Variants in TBX20 observed in about 807,000 individuals in gnomAD.
TBX20 encodes the protein T-box transcription factor 20.
Under a neutral mutation model 42.9 loss-of-function variants are expected in TBX20, and 8 were observed. The ratio of observed to expected loss-of-function variants is 0.19; its 90% confidence interval spans 0.11 to 0.34. The LOEUF is 0.34. Among genes scored for constraint, TBX20 ranks in the 10% least tolerant of loss-of-function variants. The pLI is 1.00. For synonymous variants in TBX20, 198 were observed against 222.8 expected, an observed-to-expected ratio of 0.89 and a Z score of 0.99; for missense variants, 411 against 566.0, an observed-to-expected ratio of 0.73 and a Z score of 2.78.
At chr7:35,245,156 T>C (rs1790157436) in intron 3 of TBX20, 99 bp from the exon 4 acceptor site, 2 of 886,412 alleles carry the variant, frequency 2.3e-6, no homozygotes, top group South Asian at 2.9e-5. Context: ...ATAAACCATA[T>C]ATAAGTGGGA....
chr7:35,234,069 T>A (rs1789917345), intron 5 of TBX20, among the ~76,000 whole-genome samples: 3 of 152,190 alleles, frequency 2.0e-5, no homozygotes. Context: ...AATTGAAAAG[T>A]AAACAGGCTT....
chr7:35,216,024 C>T (rs1789583562), intron 6 of TBX20, among the ~76,000 whole-genome samples: 1 of 152,172 alleles, frequency 6.6e-6, no homozygotes, highest in African/African-American at 2.4e-5. Flanking sequence ...CACCATTGTT[C>T]CTAATACAAT....
chr7:35,217,908 C>T (rs2532154), intron 6 of TBX20, among the ~76,000 whole-genome samples: 42 of 152,140 alleles, frequency 2.8e-4, no homozygotes, highest in African/African-American at 8.7e-4. Context: ...TTAGTAGAGA[C>T]GGGGTTTCTC....
At position 35,248,718 on chromosome 7, in the gene TBX20, G is replaced by T; in HGVS notation, c.504C>A (p.Ser168=). The change falls in exon 3 of 8, where the codon TCC becomes TCA. Residue 168 remains serine (S), a synonymous_variant. Transcript: ENST00000408931. ...KRYRYAYHRS[S]WLVAGKADPP... ...GGTCGGCCTTGCCAGCCACCAGCCA[G>T]GAGGACCGGTGGTAGGCGTAGCGGT... The T allele has an allele frequency of 6.2e-7, 1 of 1,614,148 alleles. No individual in the cohort carries two copies. The highest frequency in any genetic ancestry group is 2.2e-5 in the East Asian group (1 of 44,868).
chr7:35,253,818 C>A lies in TBX20; in HGVS notation c.-198G>T. 1.5e-6 allele frequency: 1 copy of A among 662,026 alleles called. No individual in the cohort carries two copies. The highest frequency in any genetic ancestry group is 2.5e-6 in the Non-Finnish European group (1 of 401,822). The allele number at this position is 662,026 out of a possible 1,614,324, so 41.0% of individuals were successfully genotyped here. A position where few individuals can be genotyped will look rare whatever the true frequency, so the allele number is the denominator to read the frequency against. On this transcript the variant is annotated 5_prime_UTR_variant, in exon 1 of 8. Transcript: ENST00000408931. ...TATTCCCCACCGCAAAGCCCCAGAGCCGCAGAGACTTCGAAGGCAGCCGGA... is the reference window on the plus strand; with the variant it reads ...TATTCCCCACCGCAAAGCCCCAGAGACGCAGAGACTTCGAAGGCAGCCGGA...
At chr7:35,213,877 CAAAAAAA>C (rs59548164) in intron 6 of TBX20, among the ~76,000 whole-genome samples, 877 of 59,788 alleles carry the variant, frequency 0.015, 15 homozygotes, top group African/African-American at 0.055. Context: ...GCAGAGATAG[CAAAAAAA>C]AAAAAAAAAA....
At chr7:35,216,198 A>G (rs1179350958) in intron 6 of TBX20, among the ~76,000 whole-genome samples, 1 of 152,142 alleles carries the variant, frequency 6.6e-6, no homozygotes, top group Non-Finnish European at 1.5e-5. Flanking sequence ...AGGGCTCATC[A>G]AAGGACAGAT....
At position 35,244,374 on chromosome 7, in the gene TBX20, G is replaced by C. The variant is rs368865989; in HGVS notation, c.654+575C>G. Among the ~76,000 whole-genome samples, 63 of 152,082 alleles carry C rather than the reference G, an allele frequency of 4.1e-4. No homozygotes were observed. In the Middle Eastern group the frequency reaches 0.01, roughly 25 times the overall value. On this transcript the variant is annotated intron_variant, in intron 4 of 7. Coordinates refer to ENST00000408931, the MANE Select transcript of TBX20 (RefSeq NM_001077653.2). ...TACTGACACAAAATCAAATTGTTTT[G>C]TTTTTAATTACAGGGCTTCTTTATG...
chr7:35,250,526 A>G (rs1040954286), intron 1 of TBX20, among the ~76,000 whole-genome samples: 6 of 152,202 alleles, frequency 3.9e-5, no homozygotes, highest in Non-Finnish European at 5.9e-5. Flanking sequence ...ATGAAAAGCA[A>G]ATATTCCTAT....
chr7:35,206,683 T>C (rs1358774595), intron 6 of TBX20, among the ~76,000 whole-genome samples: 2 of 152,206 alleles, frequency 1.3e-5, no homozygotes, highest in African/African-American at 4.8e-5. Flanking sequence ...GCTCCTATGC[T>C]CCATGGTCCC....
chr7:35,207,334 T>A (rs1487256108), intron 6 of TBX20, among the ~76,000 whole-genome samples: 1 of 152,200 alleles, frequency 6.6e-6, no homozygotes, highest in African/African-American at 2.4e-5. Flanking sequence ...TTTAAAAAAT[T>A]AGGTTATTTG....
intron 5 of TBX20, among the ~76,000 whole-genome samples, chr7:35,238,735 C>T (rs1226082393): frequency 2.0e-5 from 3 of 152,178 alleles, no homozygotes; most frequent in Non-Finnish European, 4.4e-5. Context: ...TCCATCTAAA[C>T]CCCAACTTTT....
chr7:35,229,617 C>T (rs1182571718), intron 6 of TBX20, among the ~76,000 whole-genome samples: 1 of 152,208 alleles, frequency 6.6e-6, no homozygotes, highest in Non-Finnish European at 1.5e-5. Context: ...TGGCCACATG[C>T]ATTATCAAAT....
At chr7:35,230,209 G>A (rs1277106483) in intron 6 of TBX20, among the ~76,000 whole-genome samples, 1 of 152,158 alleles carries the variant, frequency 6.6e-6, no homozygotes, top group African/African-American at 2.4e-5. Flanking sequence ...ATAAAGTCAT[G>A]CCTAAATGAA....
At chr7:35,206,749 T>A (rs1190990798) in intron 6 of TBX20, among the ~76,000 whole-genome samples, 1 of 152,226 alleles carries the variant, frequency 6.6e-6, no homozygotes, top group Non-Finnish European at 1.5e-5. Context: ...TCTTGCAGAT[T>A]AGTCTGCATT....
intron 3 of TBX20, among the ~76,000 whole-genome samples, chr7:35,247,646 C>T (rs765872676): frequency 6.6e-6 from 1 of 152,098 alleles, no homozygotes; most frequent in African/African-American, 2.4e-5. Context: ...ACACAAAGTA[C>T]CAGCCGTAAC....
chr7:35,245,987 T>A (rs1477107024), intron 3 of TBX20, among the ~76,000 whole-genome samples: 1 of 152,198 alleles, frequency 6.6e-6, no homozygotes, highest in Non-Finnish European at 1.5e-5. Context: ...AAAGGTTATT[T>A]ACACCTAAAT....
intron 6 of TBX20, 70 bp downstream of exon 6, chr7:35,231,434 T>A (rs918132061): frequency 7.5e-5 from 75 of 994,464 alleles, no homozygotes; most frequent in Non-Finnish European, 1.1e-4. Flanking sequence ...TCGAAAGGAG[T>A]GTGTTGTTAC....
At chr7:35,240,282 G>C (rs1790049752) in intron 5 of TBX20, among the ~76,000 whole-genome samples, 1 of 152,146 alleles carries the variant, frequency 6.6e-6, no homozygotes, top group Admixed American at 6.5e-5. Context: ...AAACGTTTCA[G>C]ATTTTGGAGC....
Sources: gnomAD v4.1 joint callset for allele counts (sites outside exome capture counted in the v4.1 genomes callset) on GRCh38, gnomAD v4.1.1 for gene constraint, MANE v1.5 for transcripts, NCBI Gene and HGNC (gene_info 2026-07-23, HGNC 2026-07-21) for gene names.